PPP6R2: variants seen among roughly 807,000 people sequenced by gnomAD.
PPP6R2 encodes protein phosphatase 6 regulatory subunit 2.
A neutral mutation model predicts 100.2 loss-of-function variants in PPP6R2; 62 were observed. The ratio of observed to expected loss-of-function variants is 0.62; its 90% CI spans 0.50 to 0.76. The LOEUF is 0.76. PPP6R2 is among the 30% of genes least tolerant of loss of function. The pLI is 0.00. For synonymous variants in PPP6R2, 525 were observed against 514.7 expected (o/e 1.02, Z -0.27); for missense variants, 1,142 against 1,276.3 (o/e 0.89, Z 1.60).
intron 3 of PPP6R2, among the ~76,000 whole-genome samples, chr22:50,402,908 G>A (rs573289050): frequency 1.2e-4 from 18 of 152,310 alleles, no homozygotes; most frequent in African/African-American, 3.8e-4. Context: ...ACGTTTGTCC[G>A]TGTGTAGACA....
chr22:50,417,811 G>A (rs2060753849), intron 6 of PPP6R2, among the ~76,000 whole-genome samples: 1 of 152,240 alleles, frequency 6.6e-6, no homozygotes, highest in Non-Finnish European at 1.5e-5. Context: ...CCCAAAGGCA[G>A]ACCTGAGAGC....
rs376319786 is a variant in PPP6R2 at position 50,421,637 on chromosome 22, G to A, written c.846-617G>A. ...CTTGAAAACACCACAGGGGGTAGGC[G>A]CAGTGGCTCACGCTTGTAATCCCAG... On this transcript the variant is annotated intron_variant, in intron 8 of 23. Coordinates refer to ENST00000612753, the MANE Select transcript of PPP6R2 (RefSeq NM_001242898.2). Among the ~76,000 whole-genome samples, 86 of 152,298 alleles carry A rather than the reference G, an allele frequency of 5.6e-4. 2 individuals are homozygous for A. The South Asian group carries it at 0.01, about 18-fold the overall frequency.
At position 50,444,196 on chromosome 22, in the gene PPP6R2, C is replaced by T. The variant is rs199854427; in HGVS notation, c.2832-3C>T. 6.0e-5 allele frequency: 97 copies of T among 1,612,696 alleles called. 1 individual carries two copies. Among genetic ancestry groups the T allele is most frequent in the Admixed American group, 1.7e-4 (10 of 59,768 alleles). On this transcript the variant is annotated splice_polypyrimidine_tract_variant and splice_region_variant and intron_variant, in intron 23 of 23. Transcript: ENST00000612753. ...CGGTTCCAACCCCACCCCATTCCTG[C>T]AGGAAGACAGATGCCCCGCCAGAAG...
At chr22:50,360,284 C>G (rs917111898) in intron 1 of PPP6R2, among the ~76,000 whole-genome samples, 1 of 151,586 alleles carries the variant, frequency 6.6e-6, no homozygotes, top group African/African-American at 2.4e-5. Flanking sequence ...ATCTCTTGAC[C>G]TCATGATCTG....
At chr22:50,428,994 A>G (rs951426513) in intron 10 of PPP6R2, among the ~76,000 whole-genome samples, 7 of 151,492 alleles carry the variant, frequency 4.6e-5, no homozygotes, top group African/African-American at 1.5e-4. Flanking sequence ...ATTTCCTTCT[A>G]TTCCTAGTTT....
At chr22:50,418,126 T>C (rs1385893856) in intron 6 of PPP6R2, among the ~76,000 whole-genome samples, 2 of 152,194 alleles carry the variant, frequency 1.3e-5, no homozygotes, top group African/African-American at 4.8e-5. Flanking sequence ...ATTTAAAATA[T>C]AGTATCAGTA....
At chr22:50,395,813 C>T (rs570402696) in intron 3 of PPP6R2, among the ~76,000 whole-genome samples, 97 of 152,018 alleles carry the variant, frequency 6.4e-4, no homozygotes, top group African/African-American at 2.3e-3. Context: ...GCAATCCACC[C>T]ACCTCGGCCT....
intron 2 of PPP6R2, among the ~76,000 whole-genome samples, chr22:50,375,559 C>T (rs2051315719): frequency 6.6e-6 from 1 of 152,112 alleles, no homozygotes; most frequent in African/African-American, 2.4e-5. Context: ...ACTAGAGGCA[C>T]ATGTGCCTCA....
chr22:50,388,597 G>T (rs2054755088), intron 2 of PPP6R2, among the ~76,000 whole-genome samples: 1 of 152,082 alleles, frequency 6.6e-6, no homozygotes, highest in African/African-American at 2.4e-5. Flanking sequence ...AAAAGGGCCA[G>T]GCACGGTGGC....
At chr22:50,353,681 A>G (rs555334469) in intron 1 of PPP6R2, among the ~76,000 whole-genome samples, 1 of 152,266 alleles carries the variant, frequency 6.6e-6, no homozygotes, top group Non-Finnish European at 1.5e-5. Context: ...CCTGCGAAGC[A>G]CAATGAAGGG....
chr22:50,358,284 CTTAT>C (rs1440346943), intron 1 of PPP6R2, among the ~76,000 whole-genome samples: 6 of 152,062 alleles, frequency 3.9e-5, no homozygotes, highest in Non-Finnish European at 8.8e-5. Flanking sequence ...TTTGTTGTTT[CTTAT>C]TTGTTAATGG....
chr22:50,405,456 A>G (rs1410530574), intron 3 of PPP6R2, among the ~76,000 whole-genome samples: 4 of 104,258 alleles, frequency 3.8e-5, no homozygotes, highest in Middle Eastern at 7.9e-3. Flanking sequence ...AGGCCTGGAG[A>G]GAGGTGAGAG....
chr22:50,364,639 A>T (rs542440951), intron 1 of PPP6R2, among the ~76,000 whole-genome samples: 39 of 152,346 alleles, frequency 2.6e-4, no homozygotes, highest in Non-Finnish European at 5.6e-4. Context: ...TGACAAAGGT[A>T]GCTATAGATG....
intron 1 of PPP6R2, among the ~76,000 whole-genome samples, chr22:50,369,017 T>A (rs2049377024): frequency 6.6e-6 from 1 of 152,094 alleles, no homozygotes; most frequent in South Asian, 2.1e-4. Flanking sequence ...GGTGGGCGGA[T>A]CAGCTGAGGT....
chr22:50,346,325 G>GC (rs1555954094), intron 1 of PPP6R2, among the ~76,000 whole-genome samples: 1 of 15,414 alleles, frequency 6.5e-5, no homozygotes, highest in Non-Finnish European at 1.1e-4. Context: ...CTCAGTCAGT[G>GC]CCCCCCCAGT....
intron 2 of PPP6R2, among the ~76,000 whole-genome samples, chr22:50,389,594 C>T (rs1467498371): frequency 6.7e-6 from 1 of 150,190 alleles, no homozygotes; most frequent in Non-Finnish European, 1.5e-5. Flanking sequence ...CGCGCTGTCG[C>T]CCAGGCTGGA....
intron 1 of PPP6R2, among the ~76,000 whole-genome samples, chr22:50,348,341 G>T (rs921417450): frequency 5.9e-5 from 9 of 152,152 alleles, no homozygotes; most frequent in African/African-American, 2.2e-4. Context: ...TGTAGTGATT[G>T]TAATGGTTTA....
chr22:50,425,751 G>A (rs759863498), intron 10 of PPP6R2, among the ~76,000 whole-genome samples: 3 of 151,490 alleles, frequency 2.0e-5, no homozygotes, highest in Non-Finnish European at 2.9e-5. Flanking sequence ...TCTGATGTGC[G>A]TGTGGAACAG....
chr22:50,432,325 A>G lies in PPP6R2; in HGVS notation c.1396A>G (p.Thr466Ala). ...ILEAWEANDH[T>A]QAAGGMRRGN... is the part of the protein sequence containing the mutation. ...GGAGGCCTGGGAAGCCAACGACCAC[A>G]CGCAGTAAGAGCCGCTCGGACGTGG... The change falls in exon 12 of 24, where the codon ACG becomes GCG. Residue 466 changes from threonine (T) to alanine (A), a missense_variant. Thr to Ala is a moderately conservative substitution (Grantham distance 58, BLOSUM62 0). Transcript: ENST00000612753. 1 of 1,549,070 alleles carries G rather than the reference A, an allele frequency of 6.5e-7. No individual in the cohort carries two copies. The highest frequency in any genetic ancestry group is 8.7e-7 in the Non-Finnish European group (1 of 1,146,906).
Sources: allele counts gnomAD v4.1 joint callset (sites outside exome capture counted in the v4.1 genomes callset), GRCh38; gene constraint gnomAD v4.1.1; transcripts MANE v1.5; gene names NCBI Gene and HGNC (gene_info 2026-07-23, HGNC 2026-07-21).